QKI: variants seen among roughly 807,000 people sequenced by gnomAD.
QKI encodes KH domain-containing RNA-binding protein QKI.
Under a neutral mutation model 39.0 loss-of-function variants are expected in QKI, and 10 were observed. The observed-to-expected ratio is 0.26, with a 90% confidence interval of 0.16 to 0.43. The LOEUF (loss-of-function observed/expected upper bound fraction) is 0.43, where lower values mean the gene tolerates loss of function less well. Ranked by LOEUF, QKI falls within the 20% of genes least tolerant of loss-of-function variation. The probability of loss-of-function intolerance (pLI) is 1.00; values close to 1 mark genes in which losing one functional copy is unlikely to be tolerated. For missense variants in QKI, 218 were observed against 428.0 expected (o/e 0.51, Z 4.33); for synonymous variants, 204 against 155.4 (o/e 1.31, Z -2.33).
Position 163,430,914 on chromosome 6 carries a change from G to A in QKI, c.142+15579G>A, listed in dbSNP as rs536541380. Among the ~76,000 whole-genome samples the A allele has an allele frequency of 4.6e-5, 7 of 152,278 alleles. No homozygotes were observed. In the East Asian group the frequency reaches 1.4e-3, roughly 29 times the overall value. On this transcript the variant is annotated intron_variant, in intron 1 of 7. Coordinates refer to ENST00000361752, the MANE Select transcript of QKI (RefSeq NM_006775.3). ...CTGCATACTCCTTTTGTGAATTCAG[G>A]ATGTGTTGCCATATTAAGTCTCCAG... is the stretch of plus-strand genomic sequence containing the variant.
chr6:163,480,232 GGTCTGTCT>G (rs200667684), intron 3 of QKI, among the ~76,000 whole-genome samples: 1 of 151,794 alleles, frequency 6.6e-6, no homozygotes, highest in African/African-American at 2.4e-5. Flanking sequence ...AGGAAGGTTT[GGTCTGTCT>G]GTCTGTCTGT....
At chr6:163,496,225 A>G (rs1165674623) in intron 3 of QKI, among the ~76,000 whole-genome samples, 2 of 152,284 alleles carry the variant, frequency 1.3e-5, no homozygotes, top group East Asian at 3.9e-4. Flanking sequence ...AGATGGTGAT[A>G]GTAGTGGTTG....
intron 3 of QKI, among the ~76,000 whole-genome samples, chr6:163,510,226 T>C (rs200043649): frequency 2.7e-5 from 1 of 37,158 alleles, no homozygotes; most frequent in Non-Finnish European, 6.3e-5. Context: ...AAAATAATAA[T>C]AATAATAATA....
chr6:163,532,883 G>A (rs1222956410), intron 3 of QKI, among the ~76,000 whole-genome samples: 2 of 152,112 alleles, frequency 1.3e-5, no homozygotes, highest in Admixed American at 6.6e-5. Context: ...CAGTGAGTGG[G>A]GGCAGTTATA....
chr6:163,443,340 G>C (rs769630210), intron 1 of QKI, among the ~76,000 whole-genome samples: 5 of 152,234 alleles, frequency 3.3e-5, no homozygotes, highest in African/African-American at 4.8e-5. Flanking sequence ...GGAGGCCAAG[G>C]CGGGTGGATT....
At chr6:163,432,637 GT>G (rs942900954) in intron 1 of QKI, among the ~76,000 whole-genome samples, 7 of 152,154 alleles carry the variant, frequency 4.6e-5, no homozygotes, top group Admixed American at 4.6e-4. Flanking sequence ...AAGGCCTCAA[GT>G]GATCCTCCTG....
At position 163,417,204 on chromosome 6, in the gene QKI, TTTGG is replaced by T. The variant is rs376246029; in HGVS notation, c.142+1872_142+1875del. On this transcript the variant is annotated intron_variant, in intron 1 of 7. Coordinates refer to ENST00000361752, the MANE Select transcript of QKI (RefSeq NM_006775.3). ...TCTTACTGTCTTCTCCTTGGCATAT[TTTGG>T]TTAAGTTAAAGTTTTAGTAGTATTA... Among the ~76,000 whole-genome samples the T allele has an allele frequency of 2.5e-3, 387 of 152,194 alleles. 1 individual carries two copies. Among genetic ancestry groups the T allele is most frequent in the African/African-American group, 8.8e-3 (365 of 41,532 alleles).
chr6:163,510,673 TATC>T (rs1226409445), intron 3 of QKI, among the ~76,000 whole-genome samples: 1 of 152,178 alleles, frequency 6.6e-6, no homozygotes, highest in Non-Finnish European at 1.5e-5. Flanking sequence ...ACTATATTAA[TATC>T]AGGTAAAATA....
At chr6:163,416,000 C>T (rs1488125407) in intron 1 of QKI, 7 of 438,886 alleles carry the variant, frequency 1.6e-5, no homozygotes, top group South Asian at 4.7e-5. Flanking sequence ...ACTTTTTTCC[C>T]TTTTGTTTGG....
chr6:163,423,797 T>G (rs947390774), intron 1 of QKI, among the ~76,000 whole-genome samples: 1 of 152,264 alleles, frequency 6.6e-6, no homozygotes, highest in Non-Finnish European at 1.5e-5. Flanking sequence ...TTTTGAATAA[T>G]GTAAAAATTG....
At position 163,436,789 on chromosome 6, in the gene QKI, CAAAAAAAAAAAAA is replaced by C. The variant is rs60899517; in HGVS notation, c.143-18478_143-18466del. Among the ~76,000 whole-genome samples, 153 of 89,432 alleles carry C rather than the reference CAAAAAAAAAAAAA, an allele frequency of 1.7e-3. 1 individual carries two copies. The highest frequency in any genetic ancestry group is 6.6e-3 in the African/African-American group (149 of 22,590). The allele number at this position is 89,432 out of a possible 152,430, so 58.7% of individuals were successfully genotyped here. A position where few individuals can be genotyped will look rare whatever the true frequency, so the allele number is the denominator to read the frequency against. On this transcript the variant is annotated intron_variant, in intron 1 of 7. Coordinates refer to ENST00000361752, the MANE Select transcript of QKI (RefSeq NM_006775.3). ...TGGGCGACAGAGCGAGACTCCGTCT[CAAAAAAAAAAAAA>C]AAAAAAAAAAAGGGAAGAAGAAATA...
chr6:163,561,401 G>A (rs1782994554), intron 4 of QKI, among the ~76,000 whole-genome samples: 1 of 152,082 alleles, frequency 6.6e-6, no homozygotes, highest in Non-Finnish European at 1.5e-5. Flanking sequence ...GAAGCCAGGA[G>A]TTTGAGACCA....
At chr6:163,461,998 A>G (rs1583029991) in intron 2 of QKI, among the ~76,000 whole-genome samples, 1 of 152,166 alleles carries the variant, frequency 6.6e-6, no homozygotes, top group African/African-American at 2.4e-5. Flanking sequence ...AAAGTACCTT[A>G]GTTTTTGAGA....
intron 3 of QKI, among the ~76,000 whole-genome samples, chr6:163,492,900 G>A (rs545535613): frequency 5.9e-4 from 90 of 152,168 alleles, no homozygotes; most frequent in South Asian, 1.0e-3. Flanking sequence ...CAAAAGAAGT[G>A]AAAGCAAATA....
chr6:163,420,726 C>T (rs1010740033), intron 1 of QKI, among the ~76,000 whole-genome samples: 1 of 152,076 alleles, frequency 6.6e-6, no homozygotes, highest in Non-Finnish European at 1.5e-5. Flanking sequence ...TTTGGGCCCA[C>T]AATAGCTAGA....
intron 1 of QKI, among the ~76,000 whole-genome samples, chr6:163,416,145 G>C (rs1006292662): frequency 3.0e-4 from 46 of 151,834 alleles, no homozygotes; most frequent in African/African-American, 1.1e-3. Flanking sequence ...TTTGCTCCCG[G>C]GGACGCAGCC....
At chr6:163,453,303 A>G (rs550922269) in intron 1 of QKI, among the ~76,000 whole-genome samples, 14 of 152,096 alleles carry the variant, frequency 9.2e-5, no homozygotes, top group Non-Finnish European at 1.8e-4. Flanking sequence ...ATTTTTAAGC[A>G]AATTTTATCT....
chr6:163,573,690 T>C lies in QKI; in HGVS notation c.*2980T>C, dbSNP rs1266295277. 3.9e-5 allele frequency: 6 copies of C among 152,244 alleles called. No individual in the cohort carries two copies. The highest frequency in any genetic ancestry group is 3.3e-4 in the Admixed American group (5 of 15,282). 9.4% of individuals were successfully genotyped at this position (152,244 alleles called of 1,614,324 possible). On this transcript the variant is annotated 3_prime_UTR_variant, in exon 8 of 8. Coordinates refer to ENST00000361752, the MANE Select transcript of QKI (RefSeq NM_006775.3). ...TAATGAATGAATACATTAGACACTT[T>C]TGGGTTTTAGTTGGGATTTTACATA... is the stretch of plus-strand genomic sequence containing the variant.
intron 1 of QKI, among the ~76,000 whole-genome samples, chr6:163,422,046 A>C (rs754407085): frequency 5.3e-5 from 8 of 151,908 alleles, no homozygotes; most frequent in Admixed American, 1.3e-4. Flanking sequence ...TGCTGGGATT[A>C]CAGGCGTGAG....
Sources: gnomAD v4.1 joint callset for allele counts (sites outside exome capture counted in the v4.1 genomes callset) on GRCh38, gnomAD v4.1.1 for gene constraint, MANE v1.5 for transcripts, NCBI Gene and HGNC (gene_info 2026-07-23, HGNC 2026-07-21) for gene names.